Variants in EXOC3 observed in about 807,000 individuals in gnomAD.
EXOC3 encodes the protein SEC6-like 1.
Under a neutral mutation model 73.7 loss-of-function variants are expected in EXOC3, and 21 were observed. The ratio of observed to expected loss-of-function variants is 0.29; its 90% CI spans 0.20 to 0.41. The LOEUF is 0.41. Among genes scored for constraint, EXOC3 ranks in the 10% least tolerant of loss-of-function variants. The pLI, the probability that EXOC3 is intolerant of heterozygous loss-of-function variation, is 1.00. For synonymous variants in EXOC3, 410 were observed against 389.1 expected, an observed-to-expected ratio of 1.05 and a Z score of -0.63; for missense variants, 842 against 985.1, an observed-to-expected ratio of 0.85 and a Z score of 1.95.
At chr5:447,434 C>A in intron 2 of EXOC3, 99 bp from the exon 3 acceptor site, 1 of 765,778 alleles carries the variant, frequency 1.3e-6, no homozygotes, top group Non-Finnish European at 2.1e-6. Flanking sequence ...TACTCAGTGG[C>A]TCTTTCCTGA....
At chr5:458,184 GTC>G (rs1737878708) in intron 6 of EXOC3, among the ~76,000 whole-genome samples, 159 bp downstream of exon 6, 1 of 152,216 alleles carries the variant, frequency 6.6e-6, no homozygotes, top group South Asian at 2.1e-4. Context: ...TCCTCTCTCT[GTC>G]TCTTACTCTC....
At position 458,008 on chromosome 5, in the gene EXOC3, C is replaced by A. The variant is rs754922724; in HGVS notation, c.1273C>A (p.Pro425Thr). The A allele has an allele frequency of 1.9e-6, 3 of 1,612,612 alleles. No individual in the cohort carries two copies. The highest frequency in any genetic ancestry group is 2.5e-6 in the Non-Finnish European group (3 of 1,179,304). ...GGACGGGTACTACCAGACCACACTC[C>A]CTGCCATTGTCTTCCAGGTACCACC... is the stretch of plus-strand genomic sequence containing the variant. The part of the protein sequence containing the change: ...DQDGYYQTTL[P>T]AIVFQMFEQN... The change falls in exon 6 of 13, where the codon CCT (proline) becomes ACT (threonine). Residue 425 changes from proline (P) to threonine (T), a missense_variant. Pro to Thr is a conservative substitution (Grantham distance 38). Coordinates refer to ENST00000512944, the MANE Select transcript of EXOC3 (RefSeq NM_007277.5).
rs760860067 is a variant in EXOC3 at position 462,257 on chromosome 5, G to A, written c.1603G>A (p.Ala535Thr). The stretch of plus-strand genomic sequence containing the variant: ...CATGGACGGGATTTTAGACGCCATC[G>A]CGAAGGAGGGCTGCAGCGGTTTGCT... ...PSMDGILDAI[A>T]KEGCSGLLEE... Residue 535 changes from alanine (A) to threonine (T), a missense_variant, in exon 9 of 13, where the codon GCG becomes ACG. Physicochemically the swap from Ala to Thr is moderately conservative, Grantham distance 58. Transcript: ENST00000512944. The A allele has an allele frequency of 1.7e-5, 28 of 1,613,864 alleles. No individual in the cohort carries two copies. The highest frequency in any genetic ancestry group is 1.6e-4 in the Middle Eastern group (1 of 6,084).
At position 453,372 on chromosome 5, in the gene EXOC3, C is replaced by T; in HGVS notation, c.367C>T (p.Pro123Ser). ...VENLKNIFSVPEIVRETQDLI... is the reference protein window; with the variant it reads ...VENLKNIFSVSEIVRETQDLI... ...TGTGTCTTGTGCCTTCTCCCTAGTG[C>T]CTGAGATTGTGAGGGAGACCCAGGA... Residue 123 changes from proline (P) to serine (S), a missense_variant and splice_region_variant, in exon 4 of 13, where the codon CCT becomes TCT. Pro to Ser is a moderately conservative substitution (Grantham distance 74). Transcript: ENST00000512944. 1 of 1,571,236 alleles carries T rather than the reference C, an allele frequency of 6.4e-7. No homozygotes were observed. The highest frequency in any genetic ancestry group is 8.6e-7 in the Non-Finnish European group (1 of 1,157,252).
At chr5:451,020 C>T (rs1232722929) in intron 3 of EXOC3, among the ~76,000 whole-genome samples, 1 of 152,008 alleles carries the variant, frequency 6.6e-6, no homozygotes, top group East Asian at 1.9e-4. Context: ...TTAATTTTGC[C>T]TACCTCTTTT....
intron 4 of EXOC3, among the ~76,000 whole-genome samples, chr5:454,577 C>G (rs993395772): frequency 6.6e-6 from 1 of 152,164 alleles, no homozygotes; most frequent in African/African-American, 2.4e-5. Flanking sequence ...CTAGATAGTT[C>G]GAGGAAACTC....
At chr5:466,086 GACAGTGGGGT>G in intron 12 of EXOC3, 1 of 321,708 alleles carries the variant, frequency 3.1e-6, no homozygotes, top group South Asian at 3.0e-5. Context: ...CCCGGGTGGG[GACAGTGGGGT>G]GGGGGCGGGG....
intron 6 of EXOC3, among the ~76,000 whole-genome samples, chr5:459,015 G>A (rs1391814509): frequency 2.0e-5 from 3 of 152,198 alleles, no homozygotes; most frequent in Non-Finnish European, 4.4e-5. Flanking sequence ...TGGGGCCAGG[G>A]AGGGTGAGTC....
At chr5:465,346 C>G in intron 11 of EXOC3, 74 bp downstream of exon 11, 1 of 1,487,500 alleles carries the variant, frequency 6.7e-7, no homozygotes, top group Non-Finnish European at 9.1e-7. Context: ...CCCCGGGACT[C>G]GGGCCAGTAG....
chr5:448,759 C>T, intron 3 of EXOC3, among the ~76,000 whole-genome samples: 1 of 152,234 alleles, frequency 6.6e-6, no homozygotes, highest in East Asian at 1.9e-4. Flanking sequence ...CTCTGCCCTC[C>T]TCTCGTGCTT....
At chr5:455,273 T>C (rs1737776616) in intron 4 of EXOC3, among the ~76,000 whole-genome samples, 1 of 152,242 alleles carries the variant, frequency 6.6e-6, no homozygotes, top group African/African-American at 2.4e-5. Context: ...GCCACTAGGC[T>C]GGGCTGTGCA....
At position 464,350 on chromosome 5, in the gene EXOC3, A is replaced by G; in HGVS notation, c.1714A>G (p.Ile572Val). The G allele has an allele frequency of 5.6e-6, 9 of 1,613,758 alleles. No individual in the cohort carries two copies. The highest frequency in any genetic ancestry group is 7.6e-6 in the Non-Finnish European group (9 of 1,179,630). The change falls in exon 10 of 13, where the codon ATC becomes GTC. Residue 572 changes from isoleucine to valine, a missense_variant. Transcript: ENST00000512944. ...WLLGSNAVDI[I>V]CVTVEDYFND... is the part of the protein sequence containing the mutation. The stretch of plus-strand genomic sequence containing the variant: ...ATTAGGGTCAAACGCTGTAGACATT[A>G]TCTGTGTCACCGTGGAAGACTATTT...
intron 7 of EXOC3, 85 bp from the exon 8 acceptor site, chr5:461,875 C>A: frequency 1.2e-6 from 1 of 866,478 alleles, no homozygotes; most frequent in Non-Finnish European, 1.9e-6. Flanking sequence ...TGTGAAATTT[C>A]AGGCCAGGCG....
chr5:444,042 T>C (rs1737431196), intron 1 of EXOC3, among the ~76,000 whole-genome samples: 1 of 151,968 alleles, frequency 6.6e-6, no homozygotes, highest in African/African-American at 2.4e-5. Flanking sequence ...AAAGGGTCCC[T>C]CCTGGCAGAG....
At chr5:464,864 G>A (rs752171627) in intron 10 of EXOC3, 6 of 559,402 alleles carry the variant, frequency 1.1e-5, no homozygotes, top group Non-Finnish European at 1.9e-5. Flanking sequence ...GCGCGGCACT[G>A]CCTCGCCCGC....
chr5:465,339 C>A, intron 11 of EXOC3, 67 bp downstream of exon 11: 1 of 1,505,644 alleles, frequency 6.6e-7, no homozygotes, highest in Non-Finnish European at 9.0e-7. Context: ...GCCTCCACCC[C>A]GGGACTCGGG....
At chr5:458,084 GGTTTTAC>G in intron 6 of EXOC3, 59 bp downstream of exon 6, 1 of 1,560,952 alleles carries the variant, frequency 6.4e-7, no homozygotes, top group Non-Finnish European at 8.7e-7. Flanking sequence ...GGGACCTGTA[GGTTTTAC>G]AAAGTGACAC....
At chr5:456,224 C>G (rs1310957250) in intron 4 of EXOC3, among the ~76,000 whole-genome samples, 1 of 152,192 alleles carries the variant, frequency 6.6e-6, no homozygotes, top group East Asian at 1.9e-4. Context: ...CGTACATTCT[C>G]CTTCATGCTC....
chr5:446,873 C>G (rs1008817394), intron 2 of EXOC3: 4 of 155,868 alleles, frequency 2.6e-5, no homozygotes, highest in African/African-American at 9.7e-5. Flanking sequence ...AAAAAAAAAA[C>G]ACAGAAACAA....
Sources: allele counts gnomAD v4.1 joint callset (sites outside exome capture counted in the v4.1 genomes callset), GRCh38; gene constraint gnomAD v4.1.1; transcripts MANE v1.5; gene names NCBI Gene and HGNC (gene_info 2026-07-23, HGNC 2026-07-21).